SNTG1: variants seen among roughly 807,000 people sequenced by gnomAD.
The protein encoded by SNTG1 is syntrophin gamma 1.
In SNTG1, 39 loss-of-function variants were observed where a neutral mutation model predicts 74.7. The observed-to-expected ratio is 0.52, with a 90% CI of 0.40 to 0.68. The LOEUF is 0.68. SNTG1 is among the 30% of genes least tolerant of loss of function. The pLI, the probability that SNTG1 is intolerant of heterozygous loss-of-function variation, is 0.00. For missense variants in SNTG1, 685 were observed against 609.5 expected (o/e 1.12, Z -1.30); for synonymous variants, 254 against 217.1 (o/e 1.17, Z -1.49).
intron 8 of SNTG1, among the ~76,000 whole-genome samples, chr8:50,487,727 C>A (rs1209862010): frequency 6.6e-6 from 1 of 151,560 alleles, no homozygotes; most frequent in African/African-American, 2.4e-5. Context: ...GGGAGATATA[C>A]CTAATGCTTG....
chr8:49,995,887 T>A (rs139451880), intron 1 of SNTG1, among the ~76,000 whole-genome samples: 10 of 152,170 alleles, frequency 6.6e-5, no homozygotes, highest in African/African-American at 2.4e-4. Context: ...TGCCCTAAAG[T>A]TTTTTCTCAT....
chr8:50,104,127 G>C (rs987193651), intron 1 of SNTG1, among the ~76,000 whole-genome samples: 1 of 152,164 alleles, frequency 6.6e-6, no homozygotes, highest in African/African-American at 2.4e-5. Flanking sequence ...AATAGTTTCA[G>C]AAGGAATGGT....
chr8:50,467,140 T>C (rs2093614891), intron 8 of SNTG1, among the ~76,000 whole-genome samples: 1 of 151,940 alleles, frequency 6.6e-6, no homozygotes, highest in African/African-American at 2.4e-5. Flanking sequence ...TTGTAACGCT[T>C]TTAAAAACTT....
At chr8:50,282,758 C>T (rs1040204548) in intron 2 of SNTG1, among the ~76,000 whole-genome samples, 5 of 151,922 alleles carry the variant, frequency 3.3e-5, no homozygotes, top group Non-Finnish European at 7.4e-5. Flanking sequence ...AGAAGAGACT[C>T]TGTCCATCTC....
At chr8:50,522,928 G>A (rs956515697) in intron 9 of SNTG1, among the ~76,000 whole-genome samples, 1 of 152,070 alleles carries the variant, frequency 6.6e-6, no homozygotes, top group Non-Finnish European at 1.5e-5. Flanking sequence ...TCTAATATGA[G>A]GCTATTTAAT....
chr8:50,037,456 G>A (rs1818263037), intron 1 of SNTG1, among the ~76,000 whole-genome samples: 1 of 152,156 alleles, frequency 6.6e-6, no homozygotes, highest in African/African-American at 2.4e-5. Context: ...GTTCACTCGT[G>A]CTCCCTAATG....
chr8:50,513,989 C>T (rs1030051880), intron 9 of SNTG1, among the ~76,000 whole-genome samples: 1 of 152,216 alleles, frequency 6.6e-6, no homozygotes, highest in African/African-American at 2.4e-5. Flanking sequence ...GCAGGAATCA[C>T]CCGTCTTCTG....
At chr8:50,130,783 T>C (rs571595843) in intron 1 of SNTG1, among the ~76,000 whole-genome samples, 1 of 151,968 alleles carries the variant, frequency 6.6e-6, no homozygotes, top group Non-Finnish European at 1.5e-5. Flanking sequence ...TGGGTAAACA[T>C]AAATAAACAC....
At chr8:50,123,207 T>C (rs2081049959) in intron 1 of SNTG1, among the ~76,000 whole-genome samples, 1 of 143,162 alleles carries the variant, frequency 7.0e-6, no homozygotes, top group Non-Finnish European at 1.6e-5. Flanking sequence ...TGTACATAAA[T>C]ACAGACTAGT....
intron 12 of SNTG1, among the ~76,000 whole-genome samples, chr8:50,580,706 C>A (rs917900022): frequency 6.6e-6 from 1 of 152,154 alleles, no homozygotes; most frequent in Non-Finnish European, 1.5e-5. Flanking sequence ...CTTTGCTTCC[C>A]CTTCCATCAT....
chr8:50,126,868 T>C (rs2081158161), intron 1 of SNTG1, among the ~76,000 whole-genome samples: 1 of 151,918 alleles, frequency 6.6e-6, no homozygotes. Flanking sequence ...CTCCACAAAG[T>C]GGTAGTGAAG....
intron 2 of SNTG1, among the ~76,000 whole-genome samples, chr8:50,336,352 G>C (rs984641389): frequency 1.3e-5 from 2 of 152,086 alleles, no homozygotes; most frequent in Non-Finnish European, 2.9e-5. Flanking sequence ...CCATGTTTCT[G>C]TGCACTGCCT....
chr8:50,146,896 T>G (rs2081890795), intron 1 of SNTG1, among the ~76,000 whole-genome samples: 1 of 152,210 alleles, frequency 6.6e-6, no homozygotes, highest in Non-Finnish European at 1.5e-5. Context: ...TAAGATTTTT[T>G]TATACATTCT....
intron 3 of SNTG1, among the ~76,000 whole-genome samples, chr8:50,398,724 C>T (rs2092761657): frequency 6.6e-6 from 1 of 152,086 alleles, no homozygotes; most frequent in Non-Finnish European, 1.5e-5. Flanking sequence ...GTCAGGCGTT[C>T]GAGACCAGCC....
chr8:49,969,385 A>ATATTTTTTTTTTTTTTTTTTTT (rs1811434626), intron 1 of SNTG1, among the ~76,000 whole-genome samples: 1 of 116,628 alleles, frequency 8.6e-6, no homozygotes, highest in Non-Finnish European at 1.7e-5. Context: ...AATTCATTTA[A>ATATTTTTTTTTTTTTTTTTTTT]TCTTTTTTTT....
rs76968166 is a variant in SNTG1 at position 50,201,517 on chromosome 8, T to C, written c.-28+28882T>C. Reference sequence around the variant, plus strand: ...CATGGCACATTTTTAAAATTTATTTTACTTTTATGGAGCACTTTCTTCCTT... The same window carrying C: ...CATGGCACATTTTTAAAATTTATTTCACTTTTATGGAGCACTTTCTTCCTT... On this transcript the variant is annotated intron_variant, in intron 2 of 18. Transcript: ENST00000642720. Among the ~76,000 whole-genome samples the C allele has an allele frequency of 5.8e-3, 876 of 152,256 alleles. 10 individuals are homozygous for C. Among genetic ancestry groups the C allele is most frequent in the African/African-American group, 0.019 (807 of 41,564 alleles).
At chr8:50,312,607 C>A (rs774051673) in intron 2 of SNTG1, among the ~76,000 whole-genome samples, 11 of 149,620 alleles carry the variant, frequency 7.4e-5, no homozygotes, top group African/African-American at 2.2e-4. Flanking sequence ...AAAAGTTCTA[C>A]GATTATGAAA....
In SNTG1 at chr8:50,746,828, AAT is replaced by A. The variant is rs1323823762; in HGVS notation, c.1285-5165_1285-5164del. ...TATATATTTGCATATACATATTGTAAATATATATAATATATAATATATTATAT... is the reference window on the plus strand; with the variant it reads ...TATATATTTGCATATACATATTGTAAATATATAATATATAATATATTATAT... On this transcript the variant is annotated intron_variant, in intron 17 of 18. Transcript: ENST00000642720. Among the ~76,000 whole-genome samples the A allele has an allele frequency of 9.5e-5, 14 of 147,724 alleles. No individual in the cohort carries two copies. In the South Asian group the frequency reaches 2.9e-3, roughly 31 times the overall value.
chr8:50,084,648 A>C (rs973957185), intron 1 of SNTG1, among the ~76,000 whole-genome samples: 3 of 152,174 alleles, frequency 2.0e-5, no homozygotes, highest in African/African-American at 7.2e-5. Context: ...TCATTGCAAT[A>C]TGTTACATGT....
Sources: gnomAD v4.1 joint callset for allele counts (sites outside exome capture counted in the v4.1 genomes callset) on GRCh38, gnomAD v4.1.1 for gene constraint, MANE v1.5 for transcripts, NCBI Gene and HGNC (gene_info 2026-07-23, HGNC 2026-07-21) for gene names.